Variants in CEMIP observed in about 807,000 individuals in gnomAD.
The protein encoded by CEMIP is cell migration-inducing and hyaluronan-binding protein.
In CEMIP, 105 loss-of-function variants were observed where a neutral mutation model predicts 156.9. The ratio of observed to expected loss-of-function variants is 0.67; its 90% CI spans 0.57 to 0.79. The LOEUF (loss-of-function observed/expected upper bound fraction) is 0.79. Among genes scored for constraint, CEMIP ranks in the 30% least tolerant of loss-of-function variants. The pLI is 0.00. For synonymous variants in CEMIP, 676 were observed against 668.4 expected, an observed-to-expected ratio of 1.01 and a Z score of -0.17; for missense variants, 1,457 against 1,769.4, an observed-to-expected ratio of 0.82 and a Z score of 3.17.
rs1275415603 is a variant in CEMIP, at chr15:80,909,379, G to A, written c.1797+73G>A. The A allele has an allele frequency of 2.8e-6, 4 of 1,451,782 alleles. No individual in the cohort carries two copies. In the African/African-American group the frequency reaches 5.6e-5, roughly 20 times the overall value. 89.9% of individuals were successfully genotyped at this position (1,451,782 alleles called of 1,614,324 possible). ...GTTAGCACTGGAGGGGTGTTTGGAT[G>A]TAGACACTTAATCCAGGGCCTTTGG... On this transcript the variant is annotated intron_variant, in intron 14 of 29. Coordinates refer to ENST00000394685, the MANE Select transcript of CEMIP (RefSeq NM_001293298.2).
At chr15:80,920,052 A>G in intron 14 of CEMIP, 42 bp from the exon 15 acceptor site, 2 of 1,586,750 alleles carry the variant, frequency 1.3e-6, no homozygotes, top group Non-Finnish European at 1.7e-6. Flanking sequence ...GCACATGAAT[A>G]ACTGGATGCT....
chr15:80,819,118 G>C (rs1050299898), intron 1 of CEMIP, among the ~76,000 whole-genome samples: 1 of 152,192 alleles, frequency 6.6e-6, no homozygotes, highest in African/African-American at 2.4e-5. Context: ...GTTTCCACAG[G>C]CTAGCCAGAA....
chr15:80,825,511 G>A (rs769020002), intron 1 of CEMIP, among the ~76,000 whole-genome samples: 4 of 152,194 alleles, frequency 2.6e-5, no homozygotes, highest in Non-Finnish European at 4.4e-5. Context: ...TTCCAGGACA[G>A]GGCTGGGCTA....
intron 1 of CEMIP, among the ~76,000 whole-genome samples, chr15:80,872,862 A>G (rs926714868): frequency 2.0e-5 from 3 of 152,234 alleles, no homozygotes; most frequent in African/African-American, 7.2e-5. Context: ...TTCTGTCTCA[A>G]TAAAATGAGT....
rs1247750256 is a variant in CEMIP, at chr15:80,906,182, C to T, written c.1412-481C>T. Among the ~76,000 whole-genome samples the T allele has an allele frequency of 6.6e-6, 1 of 152,238 alleles. No individual in the cohort carries two copies. The highest frequency in any genetic ancestry group is 1.5e-5 in the Non-Finnish European group (1 of 68,036). On this transcript the variant is annotated intron_variant, in intron 12 of 29. Transcript: ENST00000394685. This position sits in a 1 kb window ranked among gnomAD's most constrained non-coding sequence, Gnocchi z 4.3. ...ATCATCCAGAGACCAGGTTTCTTCT[C>T]TCCCGTTGCTCTGCCATCTCTGGGG... is the stretch of plus-strand genomic sequence containing the variant.
At position 80,870,677 on chromosome 15, in the gene CEMIP, C is replaced by T. The variant is rs541880371; in HGVS notation, c.-175-2861C>T. Among the ~76,000 whole-genome samples, 494 of 152,340 alleles carry T rather than the reference C, an allele frequency of 3.2e-3. 2 individuals carry two copies. The highest frequency in any genetic ancestry group is 5.3e-3 in the Non-Finnish European group (363 of 68,032). ...AACGCCTCCTGCCCCTGCTTTTGCT[C>T]TTGTGTCTCTTGACCCTGTGAGGTC... On this transcript the variant is annotated intron_variant, in intron 1 of 29. Transcript: ENST00000394685.
Position 80,951,636 on chromosome 15 carries a change from A to C in CEMIP, c.*2712A>C, listed in dbSNP as rs1278730169. ...CACTTCAAGAAGTCACTGTCAGAGA[A>C]ATAAAGAATTGTCTTAAATGTCATG... On this transcript the variant is annotated 3_prime_UTR_variant, in exon 30 of 30. Coordinates refer to ENST00000394685, the MANE Select transcript of CEMIP (RefSeq NM_001293298.2). 1 of 152,630 alleles carries C rather than the reference A, an allele frequency of 6.6e-6. No individual in the cohort carries two copies. Among genetic ancestry groups the C allele is most frequent in the Non-Finnish European group, 1.5e-5 (1 of 68,052 alleles). 9.5% of individuals were successfully genotyped at this position (152,630 alleles called of 1,614,324 possible).
At chr15:80,850,770 A>G (rs1347056788) in intron 1 of CEMIP, among the ~76,000 whole-genome samples, 1 of 152,124 alleles carries the variant, frequency 6.6e-6, no homozygotes, top group Admixed American at 6.5e-5. Flanking sequence ...TCACCCCCTT[A>G]CTCATCAGGG....
rs565216371 is a variant in CEMIP at position 80,841,511 on chromosome 15, G to T, written c.-175-32027G>T. Among the ~76,000 whole-genome samples the T allele has an allele frequency of 1.1e-4, 16 of 152,336 alleles. No individual in the cohort carries two copies. The South Asian group carries it at 3.3e-3, about 32-fold the overall frequency. ...CTGTTGGTACAGACATGGGGGAAGC[G>T]GGCAAGGGATATGACTTCTAGAATT... On this transcript the variant is annotated intron_variant, in intron 1 of 29. Transcript: ENST00000394685.
chr15:80,901,530 C>T (rs1319637840), intron 12 of CEMIP, among the ~76,000 whole-genome samples: 10 of 152,036 alleles, frequency 6.6e-5, no homozygotes, highest in South Asian at 2.1e-4. Context: ...AGTGAAACCC[C>T]GTCTCTACTA....
At chr15:80,819,338 C>T (rs1896859297) in intron 1 of CEMIP, among the ~76,000 whole-genome samples, 1 of 152,226 alleles carries the variant, frequency 6.6e-6, no homozygotes, top group East Asian at 1.9e-4. Flanking sequence ...AAGTTGATTC[C>T]ACTCATGGCA....
intron 1 of CEMIP, among the ~76,000 whole-genome samples, chr15:80,857,544 G>A (rs1360628760): frequency 6.6e-6 from 1 of 152,218 alleles, no homozygotes; most frequent in Non-Finnish European, 1.5e-5. Context: ...AAGGATGAGG[G>A]CAGAAGGTGT....
chr15:80,948,688 G>C, intron 29 of CEMIP, 109 bp from the exon 30 acceptor site: 2 of 1,434,734 alleles, frequency 1.4e-6, no homozygotes, highest in South Asian at 2.3e-5. Context: ...AGTGTGGCTA[G>C]GCGGTACCTG....
chr15:80,873,092 C>G (rs1190140210), intron 1 of CEMIP, among the ~76,000 whole-genome samples: 1 of 152,218 alleles, frequency 6.6e-6, no homozygotes, highest in Non-Finnish European at 1.5e-5. Context: ...AATTCAAACA[C>G]TACACTTCTG....
At chr15:80,864,305 C>A (rs1898063672) in intron 1 of CEMIP, among the ~76,000 whole-genome samples, 2 of 152,204 alleles carry the variant, frequency 1.3e-5, no homozygotes, top group African/African-American at 4.8e-5. Context: ...GGGTGAGTTT[C>A]CTGCATAAAG....
At chr15:80,888,658 T>G (rs1428429192) in intron 8 of CEMIP, 43 bp from the exon 9 acceptor site, 1 of 1,570,240 alleles carries the variant, frequency 6.4e-7, no homozygotes. Flanking sequence ...TTTTTGAATT[T>G]GGGGGTCTGT....
At chr15:80,779,670 G>C (rs1389094505) in intron 1 of CEMIP, 56 bp downstream of exon 1, 2 of 152,380 alleles carry the variant, frequency 1.3e-5, no homozygotes, top group Non-Finnish European at 2.9e-5. Flanking sequence ...TGCCACGGAA[G>C]AGAGGTAAGA....
At chr15:80,798,446 G>A (rs185971319) in intron 1 of CEMIP, among the ~76,000 whole-genome samples, 74 of 152,148 alleles carry the variant, frequency 4.9e-4, no homozygotes, top group Admixed American at 2.6e-3. Context: ...AGAAGTATAA[G>A]TAAACAAGAA....
At chr15:80,799,413 A>G (rs1435357562) in intron 1 of CEMIP, among the ~76,000 whole-genome samples, 2 of 152,202 alleles carry the variant, frequency 1.3e-5, no homozygotes, top group Admixed American at 1.3e-4. Context: ...TGGGACTCCC[A>G]CTTGTGGCCC....
Sources: allele counts gnomAD v4.1 joint callset (sites outside exome capture counted in the v4.1 genomes callset), GRCh38; gene constraint gnomAD v4.1.1; non-coding constraint Gnocchi (gnomAD v3.1); transcripts MANE v1.5; gene names NCBI Gene and HGNC (gene_info 2026-07-23, HGNC 2026-07-21).